Variants in NRP1 observed in about 807,000 individuals in gnomAD.
NRP1 encodes neuropilin-1.
A neutral mutation model predicts 106.7 loss-of-function variants in NRP1; 35 were observed. The observed-to-expected ratio is 0.33, with a 90% CI of 0.25 to 0.43. The LOEUF is 0.43. Ranked by LOEUF, NRP1 falls within the 20% of genes least tolerant of loss-of-function variation. The pLI is 1.00. For synonymous variants in NRP1, 437 were observed against 417.9 expected (o/e 1.05, Z -0.56); for missense variants, 1,024 against 1,170.4 (o/e 0.87, Z 1.83).
At chr10:33,240,673 T>C (rs778389700) in intron 6 of NRP1, among the ~76,000 whole-genome samples, 4 of 152,304 alleles carry the variant, frequency 2.6e-5, no homozygotes, top group Non-Finnish European at 4.4e-5. Context: ...TTTCCTGTGC[T>C]GATGGAGAAC....
chr10:33,266,143 G>A (rs1319385223), intron 3 of NRP1, among the ~76,000 whole-genome samples: 2 of 152,088 alleles, frequency 1.3e-5, no homozygotes, highest in Non-Finnish European at 2.9e-5. Context: ...AAGATAAAAT[G>A]TTTCAGTTCA....
chr10:33,269,626 T>C (rs924260445), intron 3 of NRP1, among the ~76,000 whole-genome samples: 2 of 152,194 alleles, frequency 1.3e-5, no homozygotes, highest in African/African-American at 4.8e-5. Context: ...TGTGGTCTGT[T>C]AGGAACTTAG....
chr10:33,230,928 C>T (rs1056151702), intron 6 of NRP1, among the ~76,000 whole-genome samples: 6 of 152,188 alleles, frequency 3.9e-5, no homozygotes, highest in African/African-American at 4.8e-5. Context: ...CCCTTACAAG[C>T]CTTTCTCACT....
At chr10:33,284,070 T>G (rs1444191054) in intron 2 of NRP1, among the ~76,000 whole-genome samples, 1 of 152,178 alleles carries the variant, frequency 6.6e-6, no homozygotes, top group Non-Finnish European at 1.5e-5. Context: ...TACTCTTCTC[T>G]TAACACAATA....
intron 10 of NRP1, among the ~76,000 whole-genome samples, chr10:33,203,726 T>A (rs1837530501): frequency 1.9e-5 from 1 of 53,582 alleles, no homozygotes. Flanking sequence ...AGACTGCTTT[T>A]TTTTTTTTTT....
chr10:33,223,471 A>AG (rs1465399291), intron 7 of NRP1, among the ~76,000 whole-genome samples: 1 of 151,586 alleles, frequency 6.6e-6, no homozygotes, highest in Non-Finnish European at 1.5e-5. Flanking sequence ...AAAAAAAAAA[A>AG]AAAATTAGCC....
chr10:33,330,124 A>C (rs189649326), intron 2 of NRP1, among the ~76,000 whole-genome samples: 1 of 152,310 alleles, frequency 6.6e-6, no homozygotes, highest in East Asian at 1.9e-4. Context: ...ATTTTCCATA[A>C]AAGTATTTTA....
intron 7 of NRP1, among the ~76,000 whole-genome samples, chr10:33,225,856 A>C (rs936431474): frequency 6.6e-6 from 1 of 152,248 alleles, no homozygotes; most frequent in African/African-American, 2.4e-5. Flanking sequence ...TCCCACGCAG[A>C]ATCTGTGTCC....
intron 4 of NRP1, among the ~76,000 whole-genome samples, chr10:33,262,533 T>C (rs1016722799): frequency 1.1e-4 from 17 of 151,944 alleles, no homozygotes; most frequent in Admixed American, 8.5e-4. Flanking sequence ...TGAAAACCCG[T>C]CTCTACCAAA....
At chr10:33,183,661 T>C (rs1056332916) in intron 15 of NRP1, among the ~76,000 whole-genome samples, 1 of 152,238 alleles carries the variant, frequency 6.6e-6, no homozygotes, top group South Asian at 2.1e-4. Context: ...TCCACTGCTG[T>C]ATTCCAGCAT....
intron 8 of NRP1, among the ~76,000 whole-genome samples, chr10:33,214,595 T>G (rs1243446652): frequency 1.3e-5 from 2 of 152,316 alleles, no homozygotes; most frequent in East Asian, 3.9e-4. Context: ...CAGACCCCAC[T>G]TTGAATCTCC....
rs186318353 is a variant in NRP1, at chr10:33,245,090, T to C, written c.981+8938A>G. On this transcript the variant is annotated intron_variant, in intron 6 of 16. Transcript: ENST00000374867. ...AAGGCAAACAAACACATCTGTATTT[T>C]TGGAAAACAAAAGAACTACGGTTCT... Among the ~76,000 whole-genome samples the C allele has an allele frequency of 4.2e-4, 64 of 152,332 alleles. 1 individual carries two copies. Among genetic ancestry groups the C allele is most frequent in the Middle Eastern group, 6.8e-3 (2 of 294 alleles).
At chr10:33,239,366 A>G (rs966563492) in intron 6 of NRP1, among the ~76,000 whole-genome samples, 2 of 152,196 alleles carry the variant, frequency 1.3e-5, no homozygotes, top group African/African-American at 4.8e-5. Flanking sequence ...ACAGATGCTC[A>G]ATAAATGTTT....
At chr10:33,194,466 A>G (rs1275614212) in intron 12 of NRP1, 4 of 252,812 alleles carry the variant, frequency 1.6e-5, no homozygotes, top group Non-Finnish European at 3.2e-5. Context: ...TATTCTGATG[A>G]TACCATAAAA....
intron 8 of NRP1, among the ~76,000 whole-genome samples, chr10:33,218,342 C>CA (rs1838948630): frequency 1.3e-5 from 1 of 75,562 alleles, no homozygotes. Context: ...TTTTTTCTTT[C>CA]TTTTTTTTTT....
At chr10:33,217,165 G>A (rs966619699) in intron 8 of NRP1, among the ~76,000 whole-genome samples, 1 of 152,118 alleles carries the variant, frequency 6.6e-6, no homozygotes, top group Non-Finnish European at 1.5e-5. Flanking sequence ...GCTGGTAATG[G>A]GGACCAGATG....
chr10:33,265,490 T>G (rs965201904), intron 3 of NRP1, among the ~76,000 whole-genome samples: 5 of 152,180 alleles, frequency 3.3e-5, no homozygotes, highest in Non-Finnish European at 7.3e-5. Context: ...TCAATAGAGA[T>G]TAAAGTTAAC....
chr10:33,292,145 C>T (rs1005694661), intron 2 of NRP1, among the ~76,000 whole-genome samples: 4 of 152,208 alleles, frequency 2.6e-5, no homozygotes, highest in Non-Finnish European at 5.9e-5. Context: ...ATCCACCCAC[C>T]TCAGCCTCTC....
intron 2 of NRP1, among the ~76,000 whole-genome samples, chr10:33,298,954 A>G (rs1168525982): frequency 6.6e-6 from 1 of 152,088 alleles, no homozygotes; most frequent in South Asian, 2.1e-4. Flanking sequence ...TCTACCTACC[A>G]TGCATTGAGC....
Sources: allele counts gnomAD v4.1 joint callset (sites outside exome capture counted in the v4.1 genomes callset), GRCh38; gene constraint gnomAD v4.1.1; transcripts MANE v1.5; gene names NCBI Gene and HGNC (gene_info 2026-07-23, HGNC 2026-07-21).